Variants in ANKRD29 observed in about 807,000 individuals in gnomAD.
The protein encoded by ANKRD29 is ankyrin repeat domain-containing protein 29.
ANKRD29 carries 32 observed loss-of-function variants against 38.0 expected under a neutral mutation model. The ratio of observed to expected loss-of-function variants is 0.84; its 90% CI spans 0.64 to 1.13. ANKRD29 has a LOEUF of 1.13. Among genes scored for constraint, ANKRD29 ranks in the 50% most tolerant of loss-of-function variants. The probability of loss-of-function intolerance (pLI) is 0.00; values close to 1 mark genes in which losing one functional copy is unlikely to be tolerated. For missense variants in ANKRD29, 357 were observed against 377.9 expected, an observed-to-expected ratio of 0.94 and a Z score of 0.46; for synonymous variants, 135 against 152.4, an observed-to-expected ratio of 0.89 and a Z score of 0.84.
chr18:23,645,203 C>T (rs1212273122), intron 3 of ANKRD29, among the ~76,000 whole-genome samples: 2 of 152,156 alleles, frequency 1.3e-5, no homozygotes, highest in Non-Finnish European at 2.9e-5. Context: ...TAGGGGTGAC[C>T]TGAGCGTGTG....
At chr18:23,612,682 C>T (rs2059658886) in intron 8 of ANKRD29, among the ~76,000 whole-genome samples, 1 of 152,164 alleles carries the variant, frequency 6.6e-6, no homozygotes, top group African/African-American at 2.4e-5. Flanking sequence ...GATTGTGGAG[C>T]TACAGGGCTT....
chr18:23,629,060 T>C (rs2059896899), intron 6 of ANKRD29, among the ~76,000 whole-genome samples: 1 of 152,230 alleles, frequency 6.6e-6, no homozygotes, highest in Admixed American at 6.5e-5. Flanking sequence ...TCTCGGCTCA[T>C]TGCAACTTCT....
intron 1 of ANKRD29, among the ~76,000 whole-genome samples, chr18:23,660,536 G>A (rs895150591): frequency 3.9e-5 from 6 of 152,210 alleles, no homozygotes; most frequent in East Asian, 1.9e-4. Context: ...GTTGGGTGCC[G>A]TGGCTCATGC....
rs56005663 is a variant in ANKRD29, at chr18:23,624,466, C to CAAAAAAAAAAAAAAAAAAAAAAA, written c.529-4860_529-4838dup. The stretch of plus-strand genomic sequence containing the variant: ...TGGGCGACAGAGTGAGACTCCATCT[C>CAAAAAAAAAAAAAAAAAAAAAAA]AAAAAAAAAAAAAAAAAAAAAAAAA... On this transcript the variant is annotated intron_variant, in intron 6 of 9. Coordinates refer to ENST00000592179, the MANE Select transcript of ANKRD29 (RefSeq NM_173505.4). 6.2e-5 allele frequency among the ~76,000 whole-genome samples: 2 copies of CAAAAAAAAAAAAAAAAAAAAAAA among 32,438 alleles called. 1 individual carries two copies. Among genetic ancestry groups the CAAAAAAAAAAAAAAAAAAAAAAA allele is most frequent in the Non-Finnish European group, 1.4e-4 (2 of 14,576 alleles). The allele number at this position is 32,438 out of a possible 152,430, so 21.3% of individuals were successfully genotyped here.
intron 6 of ANKRD29, among the ~76,000 whole-genome samples, chr18:23,621,548 A>G (rs1277293525): frequency 6.6e-6 from 1 of 152,148 alleles, no homozygotes; most frequent in Non-Finnish European, 1.5e-5. Flanking sequence ...TCTTGGTGGA[A>G]ATATTCTTGA....
chr18:23,617,889 G>GTCAGTT, intron 7 of ANKRD29, 62 bp from the exon 8 acceptor site: 5 of 1,408,300 alleles, frequency 3.6e-6, no homozygotes, highest in Non-Finnish European at 5.0e-6. Flanking sequence ...CTTGAAAGCA[G>GTCAGTT]TCAGTTGGGA....
intron 3 of ANKRD29, among the ~76,000 whole-genome samples, chr18:23,644,684 G>A (rs1430941808): frequency 1.3e-5 from 2 of 152,182 alleles, no homozygotes; most frequent in African/African-American, 2.4e-5. Context: ...ACACCCAGAC[G>A]GGTGGTGGGA....
At chr18:23,642,762 T>A (rs1206852022) in intron 3 of ANKRD29, among the ~76,000 whole-genome samples, 1 of 152,242 alleles carries the variant, frequency 6.6e-6, no homozygotes, top group Non-Finnish European at 1.5e-5. Context: ...GGGTAGGGAC[T>A]TCCTGGGGCC....
At chr18:23,634,526 G>A (rs2059979140) in intron 4 of ANKRD29, among the ~76,000 whole-genome samples, 1 of 151,952 alleles carries the variant, frequency 6.6e-6, no homozygotes, top group Non-Finnish European at 1.5e-5. Flanking sequence ...CTGACCTCAA[G>A]TGATCTGCCC....
chr18:23,639,074 TG>T, intron 3 of ANKRD29, 127 bp from the exon 4 acceptor site: 1 of 611,172 alleles, frequency 1.6e-6, no homozygotes, highest in Non-Finnish European at 2.7e-6. Context: ...GGGCTAAATT[TG>T]AACAGATTCT....
At chr18:23,612,216 A>G in intron 8 of ANKRD29, 26 bp from the exon 9 acceptor site, 1 of 1,599,604 alleles carries the variant, frequency 6.3e-7, no homozygotes, top group Non-Finnish European at 8.6e-7. Context: ...AGTGTGTGTC[A>G]GGAGTGAGCT....
intron 9 of ANKRD29, among the ~76,000 whole-genome samples, chr18:23,608,687 G>A (rs1351022868): frequency 6.6e-6 from 1 of 152,160 alleles, no homozygotes. Context: ...GTTCATTGCT[G>A]GGCATAGGTC....
chr18:23,609,821 A>C (rs1243521757), intron 9 of ANKRD29, among the ~76,000 whole-genome samples: 1 of 152,244 alleles, frequency 6.6e-6, no homozygotes, highest in Non-Finnish European at 1.5e-5. Flanking sequence ...AAGAAAGGCA[A>C]TTGTGATTTC....
At chr18:23,654,691 C>G (rs1212667896) in intron 1 of ANKRD29, among the ~76,000 whole-genome samples, 3 of 151,230 alleles carry the variant, frequency 2.0e-5, no homozygotes, top group Non-Finnish European at 4.4e-5. Context: ...CATTTTACAC[C>G]TTGTAGAAAA....
chr18:23,610,998 C>T (rs2059634282), intron 9 of ANKRD29, among the ~76,000 whole-genome samples: 1 of 152,240 alleles, frequency 6.6e-6, no homozygotes, highest in South Asian at 2.1e-4. Flanking sequence ...CTCTCAAGAC[C>T]TTTCCTAGGC....
chr18:23,621,214 G>A (rs933443130), intron 6 of ANKRD29, among the ~76,000 whole-genome samples: 1 of 152,212 alleles, frequency 6.6e-6, no homozygotes, highest in South Asian at 2.1e-4. Context: ...TCGGGGGAAG[G>A]GGGGCTGAAG....
At chr18:23,624,918 C>T (rs1428782924) in intron 6 of ANKRD29, among the ~76,000 whole-genome samples, 1 of 152,126 alleles carries the variant, frequency 6.6e-6, no homozygotes, top group Non-Finnish European at 1.5e-5. Flanking sequence ...TAGAGACTAA[C>T]CTTGTATGGT....
chr18:23,654,339 C>A lies in ANKRD29; in HGVS notation c.22-5146G>T, dbSNP rs996111211. Among the ~76,000 whole-genome samples, 9 of 151,300 alleles carry A rather than the reference C, an allele frequency of 5.9e-5. No homozygotes were observed. The South Asian group carries it at 1.9e-3, about 31-fold the overall frequency. On this transcript the variant is annotated intron_variant, in intron 1 of 9. Coordinates refer to ENST00000592179, the MANE Select transcript of ANKRD29 (RefSeq NM_173505.4). ...ATAAATAAATAAATCCAAGTCTGGACTGGACACGGTGGCTCACGCCTGTAA... is the reference window on the plus strand; with the variant it reads ...ATAAATAAATAAATCCAAGTCTGGAATGGACACGGTGGCTCACGCCTGTAA...
intron 2 of ANKRD29, chr18:23,648,876 T>C (rs2060174007): frequency 2.0e-6 from 1 of 500,358 alleles, no homozygotes; most frequent in South Asian, 3.6e-5. Context: ...TTCTGTTTTA[T>C]GCATTTCATT....
Sources: gnomAD v4.1 joint callset for allele counts (sites outside exome capture counted in the v4.1 genomes callset) on GRCh38, gnomAD v4.1.1 for gene constraint, MANE v1.5 for transcripts, NCBI Gene and HGNC (gene_info 2026-07-23, HGNC 2026-07-21) for gene names.